Variants in ANKRD11 observed in about 807,000 individuals in gnomAD.
The protein encoded by ANKRD11 is ankyrin repeat domain 11.
ANKRD11 carries 17 observed loss-of-function variants against 195.7 expected under a neutral mutation model. The ratio of observed to expected loss-of-function variants is 0.09; its 90% CI spans 0.06 to 0.13. The LOEUF (loss-of-function observed/expected upper bound fraction) is 0.13, where lower values mean the gene tolerates loss of function less well. Among genes scored for constraint, ANKRD11 ranks in the 10% least tolerant of loss-of-function variants. The pLI is 1.00. For synonymous variants in ANKRD11, 1,953 were observed against 1,528.1 expected (o/e 1.28, Z -6.49); for missense variants, 3,735 against 3,566.1 (o/e 1.05, Z -1.21).
Position 89,323,881 on chromosome 16 carries a change from C to A in ANKRD11, c.-59-6803G>T, listed in dbSNP as rs1231530633. Reference sequence around the variant, plus strand: ...GGTGTCCTCCGTCTCACCCCATAAGCCACACTGGCCAAGGCCAGGCAGGCA... The same window carrying A: ...GGTGTCCTCCGTCTCACCCCATAAGACACACTGGCCAAGGCCAGGCAGGCA... On this transcript the variant is annotated intron_variant, in intron 2 of 12. Transcript: ENST00000301030. 5 of 217,330 alleles carry A rather than the reference C, an allele frequency of 2.3e-5. No individual in the cohort carries two copies. The Middle Eastern group carries it at 5.2e-3, about 227-fold the overall frequency. 13.5% of individuals were successfully genotyped at this position (217,330 alleles called of 1,614,324 possible). A position where few individuals can be genotyped will look rare whatever the true frequency, so the allele number is the denominator to read the frequency against.
intron 3 of ANKRD11, chr16:89,313,553 GTA>G (rs1196423622): frequency 8.6e-5 from 111 of 1,289,014 alleles, no homozygotes; most frequent in Non-Finnish European, 1.1e-4. Context: ...CATCTTCCAC[GTA>G]TATGTCACTG....
Position 89,280,607 on chromosome 16 carries a change from G to A in ANKRD11, c.5935C>T (p.Leu1979Phe), listed in dbSNP as rs774653782. 4 of 1,613,380 alleles carry A rather than the reference G, an allele frequency of 2.5e-6. No individual in the cohort carries two copies. Among genetic ancestry groups the A allele is most frequent in the Non-Finnish European group, 3.4e-6 (4 of 1,179,950 alleles). ...NPVSWPVGSDLLLKSPQRFPE... is the reference protein window; with the variant it reads ...NPVSWPVGSDFLLKSPQRFPE... ...AATCTCTGTGGAGACTTCAGCAGGA[G>A]GTCCGAGCCCACAGGCCAGCTCACA... The change falls in exon 9 of 13, where the codon CTC becomes TTC. Residue 1979 changes from leucine (L) to phenylalanine (F), a missense_variant. Transcript: ENST00000301030.
intron 3 of ANKRD11, among the ~76,000 whole-genome samples, chr16:89,307,320 A>G (rs1001176825): frequency 6.6e-6 from 1 of 152,182 alleles, no homozygotes; most frequent in African/African-American, 2.4e-5. Context: ...CTTCCAGCTC[A>G]GTCACTCTGC....
chr16:89,275,277 C>T, intron 9 of ANKRD11, 86 bp from the exon 10 acceptor site: 1 of 1,175,236 alleles, frequency 8.5e-7, no homozygotes, highest in African/African-American at 1.5e-5. Context: ...GGGGTCCCGA[C>T]TCAGCCTCCC....
At chr16:89,305,381 A>G (rs1597551932) in intron 3 of ANKRD11, 37 bp from the exon 4 acceptor site, 1 of 1,613,494 alleles carries the variant, frequency 6.2e-7, no homozygotes, top group Non-Finnish European at 8.5e-7. Context: ...CGTGATGTCC[A>G]AATTACATTC....
At chr16:89,388,540 C>A (rs1454795915) in intron 2 of ANKRD11, among the ~76,000 whole-genome samples, 1 of 152,068 alleles carries the variant, frequency 6.6e-6, no homozygotes, top group Non-Finnish European at 1.5e-5. Flanking sequence ...AAAAAGCCCA[C>A]GAGATGACAA....
At position 89,293,062 on chromosome 16, in the gene ANKRD11, ACCGAGCAGCTGGTCTGCC is replaced by A. The variant is rs1338234637; in HGVS notation, c.227-1897_227-1880del. On this transcript the variant is annotated intron_variant, in intron 4 of 12. Coordinates refer to ENST00000301030, the MANE Select transcript of ANKRD11 (RefSeq NM_013275.6). ...CTCTCTCCAGGAGGGGCCCACACTCACCGAGCAGCTGGTCTGCCCACAGTCGCCTGGAGAAGCAGCTGA... is the reference window on the plus strand; with the variant it reads ...CTCTCTCCAGGAGGGGCCCACACTCACACAGTCGCCTGGAGAAGCAGCTGA... 4.6e-5 allele frequency among the ~76,000 whole-genome samples: 7 copies of A among 152,116 alleles called. No individual in the cohort carries two copies. The South Asian group carries it at 6.2e-4, about 14-fold the overall frequency.
At chr16:89,462,407 C>G (rs2056711802) in intron 1 of ANKRD11, among the ~76,000 whole-genome samples, 2 of 152,256 alleles carry the variant, frequency 1.3e-5, no homozygotes, top group South Asian at 4.1e-4. Context: ...GTGGCATGAT[C>G]TCGGCTCGCT....
chr16:89,286,247 C>T (rs1330140457), intron 7 of ANKRD11, 61 bp from the exon 8 acceptor site: 11 of 1,598,208 alleles, frequency 6.9e-6, no homozygotes, highest in Middle Eastern at 3.9e-4. Flanking sequence ...TCTACCGTTC[C>T]GCATAACACG....
chr16:89,326,257 C>T (rs1047510855), intron 2 of ANKRD11, among the ~76,000 whole-genome samples: 5 of 152,158 alleles, frequency 3.3e-5, no homozygotes, highest in African/African-American at 1.2e-4. Flanking sequence ...GAAATAAACA[C>T]ACGGAAGTGA....
At chr16:89,470,700 C>T (rs943228521) in intron 1 of ANKRD11, among the ~76,000 whole-genome samples, 1 of 151,870 alleles carries the variant, frequency 6.6e-6, no homozygotes, top group Admixed American at 6.6e-5. Flanking sequence ...AAAAAATTAG[C>T]CGGGCGTGGC....
intron 2 of ANKRD11, among the ~76,000 whole-genome samples, chr16:89,341,833 C>T (rs1287917380): frequency 6.6e-6 from 1 of 151,998 alleles, no homozygotes; most frequent in African/African-American, 2.4e-5. Context: ...GCAGCCACGG[C>T]CCACGGCGGG....
intron 1 of ANKRD11, among the ~76,000 whole-genome samples, chr16:89,432,886 G>A (rs1263290622): frequency 5.3e-5 from 8 of 151,862 alleles, no homozygotes; most frequent in Non-Finnish European, 1.0e-4. Flanking sequence ...CTGTGAGGTC[G>A]AGGCTGCAGG....
chr16:89,283,717 C>T lies in ANKRD11; in HGVS notation c.2825G>A (p.Arg942Lys), dbSNP rs1057520729. Residue 942 changes from arginine to lysine, a missense_variant, in exon 9 of 13, where the codon AGA becomes AAA. Physicochemically the swap from Arg to Lys is conservative, Grantham distance 26. Transcript: ENST00000301030. This position sits in a 1 kb window ranked among gnomAD's most constrained non-coding sequence, Gnocchi z 4.3. Reference sequence around the variant, plus strand: ...GTCCCGCCCGGCCTCTGCGGACTCTCTCCTCTTCTTGTCCTTTTCCGAAAG... The same window carrying T: ...GTCCCGCCCGGCCTCTGCGGACTCTTTCCTCTTCTTGTCCTTTTCCGAAAG... ...GYLSEKDKKR[R>K]ESAEAGRDRK... 15 of 1,613,660 alleles carry T rather than the reference C, an allele frequency of 9.3e-6. No homozygotes were observed. Among genetic ancestry groups the T allele is most frequent in the Middle Eastern group, 3.3e-4 (2 of 6,062 alleles).
rs201207422 is a variant in ANKRD11 at position 89,282,374 on chromosome 16, C to G, written c.4168G>C (p.Gly1390Arg). The change falls in exon 9 of 13, where the codon GGC becomes CGC. Residue 1390 changes from glycine (G) to arginine (R), a missense_variant. Coordinates refer to ENST00000301030, the MANE Select transcript of ANKRD11 (RefSeq NM_013275.6). ...YKEGGSRKDS[G>R]QYEKDFLEAD... ...TCCAGGAAGTCCTTTTCGTACTGGC[C>G]GGAGTCCTTCCTGCTACCGCCCTCC... 1 of 1,614,080 alleles carries G rather than the reference C, an allele frequency of 6.2e-7. No individual in the cohort carries two copies. Among genetic ancestry groups the G allele is most frequent in the Non-Finnish European group, 8.5e-7 (1 of 1,180,044 alleles).
At chr16:89,378,756 T>C (rs1271316858) in intron 2 of ANKRD11, among the ~76,000 whole-genome samples, 1 of 151,422 alleles carries the variant, frequency 6.6e-6, no homozygotes, top group Non-Finnish European at 1.5e-5. Flanking sequence ...ATTTTTTGTC[T>C]GTGTATTTTA....
intron 2 of ANKRD11, among the ~76,000 whole-genome samples, chr16:89,413,198 A>G (rs1295550453): frequency 6.6e-6 from 1 of 152,240 alleles, no homozygotes; most frequent in African/African-American, 2.4e-5. Flanking sequence ...ATAATTCCTC[A>G]GAACTCTAAA....
chr16:89,394,363 T>G (rs554739909), intron 2 of ANKRD11, among the ~76,000 whole-genome samples: 1 of 152,278 alleles, frequency 6.6e-6, no homozygotes, highest in East Asian at 1.9e-4. Flanking sequence ...GCACAGTGGC[T>G]CCCGCCCGTA....
At chr16:89,481,368 C>A (rs1450007536) in intron 1 of ANKRD11, among the ~76,000 whole-genome samples, 1 of 152,116 alleles carries the variant, frequency 6.6e-6, no homozygotes, top group Admixed American at 6.6e-5. Context: ...AGGAGTTCAA[C>A]ATCAGCCTAA....
Sources: allele counts gnomAD v4.1 joint callset (sites outside exome capture counted in the v4.1 genomes callset), GRCh38; gene constraint gnomAD v4.1.1; non-coding constraint Gnocchi (gnomAD v3.1); transcripts MANE v1.5; gene names NCBI Gene and HGNC (gene_info 2026-07-23, HGNC 2026-07-21).